GABRA3: variants seen among roughly 807,000 people sequenced by gnomAD.
The protein encoded by GABRA3 is gamma-aminobutyric acid type A receptor subunit alpha3.
GABRA3 carries 10 observed loss-of-function variants against 30.1 expected under a neutral mutation model. The ratio of observed to expected loss-of-function variants is 0.33; its 90% CI spans 0.20 to 0.56. The LOEUF (loss-of-function observed/expected upper bound fraction) is 0.56. Ranked by LOEUF, GABRA3 falls within the 20% of genes least tolerant of loss-of-function variation. The pLI is 0.89. For missense variants in GABRA3, 233 were observed against 392.0 expected, an observed-to-expected ratio of 0.59 and a Z score of 3.42; for synonymous variants, 151 against 146.8, an observed-to-expected ratio of 1.03 and a Z score of -0.21.
intron 2 of GABRA3, among the ~76,000 whole-genome samples, chrX:152,359,137 A>T (rs889953715): frequency 1.8e-5 from 2 of 111,640 alleles, no homozygotes; most frequent in African/African-American, 6.5e-5. Context: ...GAATGGTACC[A>T]GTTCTTCTTT....
chrX:152,418,949 T>C (rs909503689), intron 1 of GABRA3, among the ~76,000 whole-genome samples: 1 of 111,739 alleles, frequency 8.9e-6, no homozygotes, highest in Non-Finnish European at 1.9e-5. Flanking sequence ...CACCATGGAA[T>C]ACTATGCAGC....
intron 1 of GABRA3, among the ~76,000 whole-genome samples, chrX:152,399,504 A>G (rs1324721136): frequency 8.9e-6 from 1 of 111,932 alleles, no homozygotes; most frequent in Non-Finnish European, 1.9e-5. Context: ...AGAAAATATG[A>G]AAGTAGTTCA....
chrX:152,429,882 C>A (rs1056316683), intron 1 of GABRA3, among the ~76,000 whole-genome samples: 1 of 112,106 alleles, frequency 8.9e-6, no homozygotes, highest in Non-Finnish European at 1.9e-5. Context: ...TTAACCTAAC[C>A]TGAGTGGATC....
intron 1 of GABRA3, among the ~76,000 whole-genome samples, chrX:152,381,112 T>C (rs1280457035): frequency 8.9e-6 from 1 of 111,921 alleles, no homozygotes; most frequent in African/African-American, 3.3e-5. Flanking sequence ...CTCTGTCATA[T>C]TTCAGCACAA....
intron 1 of GABRA3, among the ~76,000 whole-genome samples, chrX:152,376,364 A>G (rs1248678171): frequency 9.0e-6 from 1 of 110,719 alleles, no homozygotes; most frequent in Admixed American, 9.6e-5. Context: ...AGTGAAACCC[A>G]ATTTAAGACA....
chrX:152,342,724 T>C (rs1408606864), intron 3 of GABRA3, among the ~76,000 whole-genome samples: 1 of 111,938 alleles, frequency 8.9e-6, no homozygotes, highest in East Asian at 2.8e-4. Context: ...TCCGAGATAA[T>C]GTGTTACTTA....
intron 7 of GABRA3, among the ~76,000 whole-genome samples, chrX:152,201,003 T>C (rs1000321595): frequency 1.8e-5 from 2 of 112,303 alleles, no homozygotes; most frequent in African/African-American, 3.2e-5. Context: ...GTCCTTGTAT[T>C]GGAGGCTATC....
intron 6 of GABRA3, among the ~76,000 whole-genome samples, chrX:152,220,176 C>A (rs1297360946): frequency 9.0e-6 from 1 of 111,498 alleles, no homozygotes; most frequent in Admixed American, 9.6e-5. Context: ...CCTAGGAATT[C>A]CAACTTCTTG....
intron 6 of GABRA3, among the ~76,000 whole-genome samples, chrX:152,224,478 C>G (rs1473655483): frequency 8.1e-5 from 9 of 111,677 alleles, no homozygotes; most frequent in Non-Finnish European, 1.1e-4. Flanking sequence ...GTCCTTTGGG[C>G]AATTTAGAAA....
rs1292267062 is a variant in GABRA3, at chrX:152,364,427, T to C, written c.140+4A>G. The C allele has an allele frequency of 1.7e-6, 2 of 1,207,170 alleles. No individual in the cohort carries two copies. The highest frequency in any genetic ancestry group is 1.8e-5 in the South Asian group (1 of 56,105). The stretch of plus-strand genomic sequence containing the variant: ...CTTTCATCCTAAGAGTTAGGGGTTC[T>C]TACCCGCCAATGTCCTGCTTCACAA... On this transcript the variant is annotated splice_donor_region_variant and intron_variant, in intron 2 of 9. Coordinates refer to ENST00000370314, the MANE Select transcript of GABRA3 (RefSeq NM_000808.4).
chrX:152,232,254 C>T (rs1313248994), intron 5 of GABRA3, among the ~76,000 whole-genome samples: 2 of 110,527 alleles, frequency 1.8e-5, no homozygotes, highest in Admixed American at 9.7e-5. Flanking sequence ...GCATGCTTAC[C>T]TTAGCCATTT....
At chrX:152,293,427 C>T (rs1939461291) in intron 3 of GABRA3, among the ~76,000 whole-genome samples, 1 of 110,707 alleles carries the variant, frequency 9.0e-6, no homozygotes, top group African/African-American at 3.3e-5. Context: ...TTTCTCCATC[C>T]CTTTATTTTG....
At chrX:152,272,061 T>C (rs1297778295) in intron 4 of GABRA3, among the ~76,000 whole-genome samples, 1 of 111,732 alleles carries the variant, frequency 8.9e-6, no homozygotes, top group African/African-American at 3.3e-5. Context: ...AGGGGAATGA[T>C]CGAGTTGGAT....
chrX:152,279,179 T>C (rs1448945491), intron 4 of GABRA3, among the ~76,000 whole-genome samples: 5 of 111,797 alleles, frequency 4.5e-5, no homozygotes, highest in Admixed American at 2.9e-4. Flanking sequence ...ATATGAAGTC[T>C]TTGCCCATGC....
chrX:152,403,551 C>G (rs756868628), intron 1 of GABRA3, among the ~76,000 whole-genome samples: 31 of 73,660 alleles, frequency 4.2e-4, no homozygotes, highest in African/African-American at 1.2e-3. Flanking sequence ...TGTGTGCACA[C>G]GTGTGTGTAT....
chrX:152,429,593 A>T (rs1271564152), intron 1 of GABRA3, among the ~76,000 whole-genome samples: 2 of 111,311 alleles, frequency 1.8e-5, no homozygotes, highest in Non-Finnish European at 3.8e-5. Context: ...GGCTCCATTC[A>T]CCCCTCCTGA....
At chrX:152,211,685 G>A (rs1410988298) in intron 6 of GABRA3, among the ~76,000 whole-genome samples, 1 of 111,837 alleles carries the variant, frequency 8.9e-6, no homozygotes, top group African/African-American at 3.3e-5. Flanking sequence ...GGGAGACAGA[G>A]AAAGCACAAT....
At chrX:152,248,211 A>C in intron 5 of GABRA3, among the ~76,000 whole-genome samples, 1 of 111,185 alleles carries the variant, frequency 9.0e-6, no homozygotes, top group Admixed American at 9.6e-5. Flanking sequence ...AATTTAAAAA[A>C]AAAAACTGGG....
intron 6 of GABRA3, among the ~76,000 whole-genome samples, chrX:152,217,426 T>C (rs961317470): frequency 9.0e-6 from 1 of 111,653 alleles, no homozygotes; most frequent in African/African-American, 3.2e-5. Context: ...GTTGTATTTT[T>C]TAGTTACCTT....
Sources: allele counts gnomAD v4.1 joint callset (sites outside exome capture counted in the v4.1 genomes callset), GRCh38; gene constraint gnomAD v4.1.1; transcripts MANE v1.5; gene names NCBI Gene and HGNC (gene_info 2026-07-23, HGNC 2026-07-21).